Variants in NELL1 observed in about 807,000 individuals in gnomAD.
NELL1 encodes the protein neural EGFL like 1.
In NELL1, 76 loss-of-function variants were observed where a neutral mutation model predicts 107.4. The observed-to-expected ratio is 0.71, with a 90% confidence interval of 0.59 to 0.86. The LOEUF is 0.86. Ranked by LOEUF, NELL1 falls within the 40% of genes least tolerant of loss-of-function variation. NELL1 has a pLI of 0.00. For synonymous variants in NELL1, 353 were observed against 341.2 expected (o/e 1.03, Z -0.38); for missense variants, 1,024 against 1,005.5 (o/e 1.02, Z -0.25).
At chr11:21,298,999 A>G (rs529217609) in intron 14 of NELL1, among the ~76,000 whole-genome samples, 2 of 151,984 alleles carry the variant, frequency 1.3e-5, no homozygotes, top group African/African-American at 2.4e-5. Flanking sequence ...GACCATGGTT[A>G]TAGTTTTTAT....
chr11:21,107,523 CTTG>C (rs1419208329), intron 12 of NELL1, among the ~76,000 whole-genome samples: 35 of 152,264 alleles, frequency 2.3e-4, no homozygotes, highest in Non-Finnish European at 2.9e-4. Flanking sequence ...TGGATATCTG[CTTG>C]TTCACCCTAG....
At chr11:21,491,180 G>C (rs1021498512) in intron 15 of NELL1, among the ~76,000 whole-genome samples, 5 of 152,088 alleles carry the variant, frequency 3.3e-5, no homozygotes, top group African/African-American at 9.7e-5. Context: ...TTCTTTTGCT[G>C]TGCAGAAGCT....
chr11:21,429,185 G>T (rs1852908540), intron 15 of NELL1, among the ~76,000 whole-genome samples: 1 of 152,118 alleles, frequency 6.6e-6, no homozygotes. Context: ...TTAATAGTTT[G>T]ATTGCTTTGT....
Position 21,570,932 on chromosome 11 carries a change from C to A in NELL1, c.2149C>A (p.Arg717=). The change falls in exon 18 of 20, where the codon CGG becomes AGG. Residue 717 remains arginine (R), a synonymous_variant. Transcript: ENST00000357134. ...DNWTHSCQQC[R]CLEGEVDCWP... is the part of the protein sequence containing the mutation. ...TTGGACCCATAGCTGTCAGCAGTGT[C>A]GGTGTCTGGTATGTTGGCTTCCTTT... The A allele has an allele frequency of 1.2e-6, 2 of 1,610,836 alleles. No individual in the cohort carries two copies. The highest frequency in any genetic ancestry group is 1.7e-6 in the Non-Finnish European group (2 of 1,177,950).
At chr11:20,858,226 AC>A (rs1347553456) in intron 4 of NELL1, among the ~76,000 whole-genome samples, 2 of 152,016 alleles carry the variant, frequency 1.3e-5, no homozygotes, top group Non-Finnish European at 2.9e-5. Context: ...GTACCCCTAG[AC>A]CCTGAGCCAT....
intron 14 of NELL1, among the ~76,000 whole-genome samples, chr11:21,268,237 C>T (rs1848673005): frequency 1.3e-5 from 2 of 152,166 alleles, no homozygotes; most frequent in Non-Finnish European, 1.5e-5. Flanking sequence ...TCCATAGGGT[C>T]GGAGGATGGC....
At chr11:21,084,130 G>A in intron 12 of NELL1, among the ~76,000 whole-genome samples, 1 of 152,092 alleles carries the variant, frequency 6.6e-6, no homozygotes, top group East Asian at 1.9e-4. Context: ...TTGAAATATT[G>A]TAAGTAAGAG....
In NELL1 at chr11:20,702,721, C is replaced by T. The variant is rs140312515; in HGVS notation, c.184+24661C>T. Among the ~76,000 whole-genome samples the T allele has an allele frequency of 7.1e-3, 1,086 of 152,158 alleles. 8 individuals are homozygous for T. Among genetic ancestry groups the T allele is most frequent in the African/African-American group, 0.025 (1,031 of 41,504 alleles). On this transcript the variant is annotated intron_variant, in intron 2 of 19. Coordinates refer to ENST00000357134, the MANE Select transcript of NELL1 (RefSeq NM_006157.5). The stretch of plus-strand genomic sequence containing the variant: ...TTTATTGAGAGATTTTAGCATGAAG[C>T]GCTGTTGAATTTTGACAAAGGCCTT...
intron 14 of NELL1, among the ~76,000 whole-genome samples, chr11:21,360,620 C>A (rs763073701): frequency 1.1e-4 from 17 of 152,248 alleles, no homozygotes; most frequent in Middle Eastern, 6.8e-3. Context: ...AAGTTGCCAT[C>A]TACCTTATTT....
At chr11:20,748,911 C>CCCATCCATCCAT (rs71063663) in intron 2 of NELL1, among the ~76,000 whole-genome samples, 7,304 of 143,950 alleles carry the variant, frequency 0.051, 222 homozygotes, top group Middle Eastern at 0.1. Context: ...CACCCAGCCA[C>CCCATCCATCCAT]CCATCCATCC....
At chr11:20,706,477 A>G (rs1854959034) in intron 2 of NELL1, among the ~76,000 whole-genome samples, 1 of 135,826 alleles carries the variant, frequency 7.4e-6, no homozygotes, top group African/African-American at 2.8e-5. Context: ...ATGAGAACAC[A>G]TGGACACAGG....
intron 12 of NELL1, among the ~76,000 whole-genome samples, chr11:21,086,167 C>A (rs1854387108): frequency 6.6e-6 from 1 of 152,184 alleles, no homozygotes; most frequent in Non-Finnish European, 1.5e-5. Context: ...CATACCCTAA[C>A]ACCTGACCAG....
At chr11:20,834,503 C>A (rs765237468) in intron 3 of NELL1, among the ~76,000 whole-genome samples, 5 of 152,006 alleles carry the variant, frequency 3.3e-5, no homozygotes, top group East Asian at 1.9e-4. Context: ...TAAAAAAGCA[C>A]CCTCCTGGCT....
chr11:20,771,158 C>G (rs902082693), intron 2 of NELL1, among the ~76,000 whole-genome samples: 1 of 152,184 alleles, frequency 6.6e-6, no homozygotes, highest in South Asian at 2.1e-4. Flanking sequence ...TCCCTCACCA[C>G]TGACCTCTGG....
rs142065446 is a variant in NELL1, at chr11:21,035,560, G to A, written c.1300+75000G>A. Among the ~76,000 whole-genome samples, 668 of 150,788 alleles carry A rather than the reference G, an allele frequency of 4.4e-3. 4 individuals carry two copies. Among genetic ancestry groups the A allele is most frequent in the African/African-American group, 0.015 (631 of 41,088 alleles). On this transcript the variant is annotated intron_variant, in intron 12 of 19. Transcript: ENST00000357134. ...CACGATCAAGTAGGCTTTTTCCCTCGAACGCAAGCTTGGTTCAACATATGT... is the reference window on the plus strand; with the variant it reads ...CACGATCAAGTAGGCTTTTTCCCTCAAACGCAAGCTTGGTTCAACATATGT...
intron 13 of NELL1, among the ~76,000 whole-genome samples, chr11:21,199,152 T>C (rs948951444): frequency 1.3e-5 from 2 of 152,204 alleles, no homozygotes; most frequent in African/African-American, 2.4e-5. Flanking sequence ...TTCTTCTTAC[T>C]ACCCCTCTTC....
chr11:20,669,697 C>G lies in NELL1; in HGVS notation c.-27C>G, dbSNP rs370911876. On this transcript the variant is annotated 5_prime_UTR_variant, in exon 1 of 20. Transcript: ENST00000357134. The surrounding 1 kb of genome is among the most constrained non-coding windows in gnomAD (Gnocchi z 4.4). ...TTGCTTCCACCTAGCTTCGGTGCCC[C>G]CTGCTAGGCGGGGACCCTCGAGAGC... The G allele has an allele frequency of 8.7e-5, 140 of 1,607,554 alleles. No individual in the cohort carries two copies. The highest frequency in any genetic ancestry group is 1.6e-4 in the Middle Eastern group (1 of 6,072).
At chr11:20,981,737 T>C (rs1390328771) in intron 12 of NELL1, among the ~76,000 whole-genome samples, 1 of 151,146 alleles carries the variant, frequency 6.6e-6, no homozygotes, top group African/African-American at 2.4e-5. Flanking sequence ...GTAGATTCAT[T>C]AAAATAAGGA....
chr11:21,251,243 T>C (rs1404032538), intron 14 of NELL1, among the ~76,000 whole-genome samples: 1 of 152,146 alleles, frequency 6.6e-6, no homozygotes, highest in Non-Finnish European at 1.5e-5. Flanking sequence ...GATACCTGTA[T>C]GACAGTATGT....
Sources: allele counts gnomAD v4.1 joint callset (sites outside exome capture counted in the v4.1 genomes callset), GRCh38; gene constraint gnomAD v4.1.1; non-coding constraint Gnocchi (gnomAD v3.1); transcripts MANE v1.5; gene names NCBI Gene and HGNC (gene_info 2026-07-23, HGNC 2026-07-21).